Variants in KLHL29 observed in about 807,000 individuals in gnomAD.
KLHL29 encodes kelch-like protein 29.
A neutral mutation model predicts 80.4 loss-of-function variants in KLHL29; 21 were observed. The ratio of observed to expected loss-of-function variants is 0.26; its 90% confidence interval spans 0.19 to 0.38. The LOEUF (loss-of-function observed/expected upper bound fraction) is 0.38. Ranked by LOEUF, KLHL29 falls within the 10% of genes least tolerant of loss-of-function variation. The probability of loss-of-function intolerance (pLI) is 1.00; values close to 1 mark genes in which losing one functional copy is unlikely to be tolerated. For synonymous variants in KLHL29, 511 were observed against 526.8 expected, an observed-to-expected ratio of 0.97 and a Z score of 0.41; for missense variants, 867 against 1,223.9, an observed-to-expected ratio of 0.71 and a Z score of 4.35.
At chr2:23,388,225 T>A (rs1424387257) in intron 1 of KLHL29, among the ~76,000 whole-genome samples, 1 of 152,182 alleles carries the variant, frequency 6.6e-6, no homozygotes, top group East Asian at 1.9e-4. Flanking sequence ...GAATTCAGGT[T>A]TGTGGGAGGT....
intron 2 of KLHL29, among the ~76,000 whole-genome samples, chr2:23,551,024 C>T (rs998158622): frequency 2.6e-5 from 4 of 152,222 alleles, no homozygotes; most frequent in South Asian, 4.1e-4. Flanking sequence ...TCAGTGTTTG[C>T]GTCCTTGTGG....
intron 1 of KLHL29, among the ~76,000 whole-genome samples, chr2:23,460,820 C>T (rs1267388672): frequency 6.7e-6 from 1 of 148,706 alleles, no homozygotes; most frequent in Non-Finnish European, 1.5e-5. Flanking sequence ...TCAGGAGCTT[C>T]CCGTGAAGGG....
intron 3 of KLHL29, among the ~76,000 whole-genome samples, chr2:23,571,962 T>C (rs1022676822): frequency 2.0e-5 from 3 of 152,228 alleles, no homozygotes; most frequent in African/African-American, 4.8e-5. Context: ...GTCAGTTTGC[T>C]AAAAGCAGCT....
intron 2 of KLHL29, among the ~76,000 whole-genome samples, chr2:23,561,767 G>A (rs1023350718): frequency 1.3e-5 from 2 of 152,126 alleles, no homozygotes; most frequent in African/African-American, 4.8e-5. Flanking sequence ...ATCACGTGTT[G>A]GAGGAAAACA....
chr2:23,574,836 A>T (rs1211654682), intron 3 of KLHL29, among the ~76,000 whole-genome samples: 1 of 152,198 alleles, frequency 6.6e-6, no homozygotes, highest in Non-Finnish European at 1.5e-5. Context: ...CATTTCCTTG[A>T]TGAAGAGAAA....
chr2:23,490,743 A>G (rs566782429), intron 2 of KLHL29, among the ~76,000 whole-genome samples: 2 of 152,296 alleles, frequency 1.3e-5, no homozygotes, highest in Non-Finnish European at 2.9e-5. Context: ...TTCAGTATTA[A>G]TGCTGGTTCA....
intron 1 of KLHL29, among the ~76,000 whole-genome samples, chr2:23,453,091 A>G (rs1368298532): frequency 6.6e-6 from 1 of 151,354 alleles, no homozygotes; most frequent in Non-Finnish European, 1.5e-5. Context: ...CTCCTTTTAT[A>G]GGAGTGTATG....
At chr2:23,628,492 CAATT>C (rs1487275634) in intron 3 of KLHL29, among the ~76,000 whole-genome samples, 3 of 152,114 alleles carry the variant, frequency 2.0e-5, no homozygotes, top group Admixed American at 6.5e-5. Flanking sequence ...GCTGGGCTCA[CAATT>C]AATGTTGAGG....
At chr2:23,635,848 G>A (rs1455859180) in intron 3 of KLHL29, among the ~76,000 whole-genome samples, 1 of 152,238 alleles carries the variant, frequency 6.6e-6, no homozygotes, top group Non-Finnish European at 1.5e-5. Context: ...GGCTTCACTG[G>A]TGTCCCAGAT....
intron 1 of KLHL29, among the ~76,000 whole-genome samples, chr2:23,398,965 C>T (rs529525197): frequency 9.2e-5 from 14 of 152,304 alleles, no homozygotes; most frequent in African/African-American, 3.1e-4. Flanking sequence ...TTTTCATCTG[C>T]ACTGCCAAGA....
At chr2:23,701,198 A>C (rs955616079) in intron 11 of KLHL29, among the ~76,000 whole-genome samples, 7 of 10,782 alleles carry the variant, frequency 6.5e-4, no homozygotes, top group Admixed American at 1.8e-3. Flanking sequence ...AACTATCTCA[A>C]TGAGCAAACA....
chr2:23,538,380 C>T (rs1445824638), intron 2 of KLHL29, among the ~76,000 whole-genome samples: 1 of 152,218 alleles, frequency 6.6e-6, no homozygotes, highest in Non-Finnish European at 1.5e-5. Context: ...CTAATTCTCC[C>T]TCCTATCTGT....
intron 5 of KLHL29, among the ~76,000 whole-genome samples, chr2:23,665,612 G>T (rs545507792): frequency 1.1e-3 from 165 of 152,312 alleles, no homozygotes; most frequent in African/African-American, 3.9e-3. Context: ...GGTTCTGCAG[G>T]CTGTACGGGA....
intron 1 of KLHL29, among the ~76,000 whole-genome samples, chr2:23,392,277 C>G (rs1666338836): frequency 6.6e-6 from 1 of 152,150 alleles, no homozygotes; most frequent in Admixed American, 6.5e-5. Context: ...AGTCATACAC[C>G]AGGGCATGTA....
Position 23,706,658 on chromosome 2 carries a change from C to T in KLHL29, c.2622C>T (p.Ser874=), listed in dbSNP as rs760947088. 64 of 1,520,316 alleles carry T rather than the reference C, an allele frequency of 4.2e-5. No homozygotes were observed. The Middle Eastern group carries it at 6.7e-4, about 16-fold the overall frequency. 94.2% of individuals were successfully genotyped at this position (1,520,316 alleles called of 1,614,324 possible). ...TCGTGATAAAGAAATATATTCAAAG[C>T]GGCTGACATCAGCAGAAAGCCCACG... The part of the protein sequence containing the change: ...GCVVIKKYIQ[S]G Residue 874 remains serine, a synonymous_variant, in exon 14 of 14, where the codon AGC becomes AGT. Transcript: ENST00000486442.
chr2:23,632,882 C>G (rs2149151031), intron 3 of KLHL29, among the ~76,000 whole-genome samples: 1 of 152,340 alleles, frequency 6.6e-6, no homozygotes, highest in East Asian at 1.9e-4. Flanking sequence ...AGACTGCAGT[C>G]TCACCTAAGT....
intron 1 of KLHL29, among the ~76,000 whole-genome samples, chr2:23,468,016 G>A (rs1664398974): frequency 6.6e-6 from 1 of 152,038 alleles, no homozygotes; most frequent in Non-Finnish European, 1.5e-5. Context: ...TCTTCAATGA[G>A]CAGGCATGAT....
chr2:23,483,343 G>C (rs1387506802), intron 2 of KLHL29, among the ~76,000 whole-genome samples: 1 of 152,224 alleles, frequency 6.6e-6, no homozygotes, highest in East Asian at 1.9e-4. Context: ...GTAAAAGCCT[G>C]AAGATATAAA....
intron 1 of KLHL29, among the ~76,000 whole-genome samples, chr2:23,388,842 GTT>G (rs138963545): frequency 2.7e-5 from 4 of 148,232 alleles, no homozygotes; most frequent in African/African-American, 9.9e-5. Flanking sequence ...GTGTACATGG[GTT>G]TTTTTTTTCT....
Sources: gnomAD v4.1 joint callset for allele counts (sites outside exome capture counted in the v4.1 genomes callset) on GRCh38, gnomAD v4.1.1 for gene constraint, MANE v1.5 for transcripts, NCBI Gene and HGNC (gene_info 2026-07-23, HGNC 2026-07-21) for gene names.